The following ALCAM variants were observed in gnomAD, a reference collection of about 807,000 sequenced individuals.
ALCAM encodes the protein CD166 antigen.
In ALCAM, 30 loss-of-function variants were observed where a neutral mutation model predicts 70.9. That is an observed-to-expected ratio of 0.42 (90% confidence interval 0.32 to 0.57). The LOEUF is 0.57. Among genes scored for constraint, ALCAM ranks in the 20% least tolerant of loss-of-function variants. The pLI is 0.11. For synonymous variants in ALCAM, 249 were observed against 242.5 expected, an observed-to-expected ratio of 1.03 and a Z score of -0.25; for missense variants, 591 against 695.1, an observed-to-expected ratio of 0.85 and a Z score of 1.68.
chr3:105,438,473 AT>A (rs1324100911), intron 1 of ALCAM, among the ~76,000 whole-genome samples: 2 of 152,224 alleles, frequency 1.3e-5, no homozygotes, highest in African/African-American at 4.8e-5. Flanking sequence ...TTTATTCAGT[AT>A]CTACTAGGGA....
chr3:105,489,525 T>C (rs1221718020), intron 1 of ALCAM, among the ~76,000 whole-genome samples: 2 of 152,156 alleles, frequency 1.3e-5, no homozygotes, highest in Non-Finnish European at 2.9e-5. Flanking sequence ...TCATCAAAAA[T>C]AGGATAGATT....
chr3:105,466,766 A>T (rs1937749371), intron 1 of ALCAM, among the ~76,000 whole-genome samples: 1 of 151,368 alleles, frequency 6.6e-6, no homozygotes, highest in Non-Finnish European at 1.5e-5. Context: ...GAGCAAGCAG[A>T]TATTCGACTT....
At chr3:105,413,234 C>G (rs1260190794) in intron 1 of ALCAM, among the ~76,000 whole-genome samples, 1 of 152,060 alleles carries the variant, frequency 6.6e-6, no homozygotes, top group African/African-American at 2.4e-5. Context: ...GAATTAAGTG[C>G]TTCATACAGT....
chr3:105,504,732 G>A (rs990042692), intron 1 of ALCAM, among the ~76,000 whole-genome samples: 1 of 152,202 alleles, frequency 6.6e-6, no homozygotes. Context: ...GGCCCAGGAT[G>A]GGGGCATGGC....
intron 1 of ALCAM, among the ~76,000 whole-genome samples, chr3:105,498,421 T>G (rs1938819948): frequency 6.6e-6 from 1 of 152,156 alleles, no homozygotes; most frequent in Non-Finnish European, 1.5e-5. Flanking sequence ...GTCTCAACAC[T>G]ACATAGAGAA....
intron 1 of ALCAM, among the ~76,000 whole-genome samples, chr3:105,442,591 C>T (rs1937198783): frequency 6.6e-6 from 1 of 151,892 alleles, no homozygotes; most frequent in Non-Finnish European, 1.5e-5. Flanking sequence ...ACCATCCTGG[C>T]TAACATGGTG....
rs567435699 is a variant in ALCAM at position 105,421,229 on chromosome 3, A to G, written c.73+53748A>G. Among the ~76,000 whole-genome samples, 29 of 151,592 alleles carry G rather than the reference A, an allele frequency of 1.9e-4. No individual in the cohort carries two copies. In the South Asian group the frequency reaches 2.3e-3, roughly 12 times the overall value. ...AAGTGGTTCCATTTACACAGTTAAT[A>G]ATCACCACCAATTGTCTGTCTGATT... is the stretch of plus-strand genomic sequence containing the variant. On this transcript the variant is annotated intron_variant, in intron 1 of 15. Coordinates refer to ENST00000306107, the MANE Select transcript of ALCAM (RefSeq NM_001627.4).
At position 105,524,448 on chromosome 3, in the gene ALCAM, G is replaced by C; in HGVS notation, c.334G>C (p.Val112Leu). The C allele has an allele frequency of 6.2e-7, 1 of 1,614,080 alleles. No homozygotes were observed. Among genetic ancestry groups the C allele is most frequent in the Non-Finnish European group, 8.5e-7 (1 of 1,180,000 alleles). Residue 112 changes from valine to leucine, a missense_variant, in exon 3 of 16, where the codon GTG (valine) becomes CTG (leucine). Around this residue, in one of 2 missense-constraint regions of ALCAM, gnomAD observed 427 missense variants for 450.4 expected, o/e 0.95. Coordinates refer to ENST00000306107, the MANE Select transcript of ALCAM (RefSeq NM_001627.4). ...AAGGATCAGTGATGAAAAGAGATTT[G>C]TGTGCATGCTAGTAACTGAGGACAA... The part of the protein sequence containing the change: ...NARISDEKRF[V>L]CMLVTEDNVF...
chr3:105,442,509 C>T (rs1937194450), intron 1 of ALCAM, among the ~76,000 whole-genome samples: 1 of 152,148 alleles, frequency 6.6e-6, no homozygotes, highest in African/African-American at 2.4e-5. Flanking sequence ...CGGCCAGGCG[C>T]GGTGGCTCAC....
At chr3:105,545,659 GT>G (rs1940228929) in intron 9 of ALCAM, among the ~76,000 whole-genome samples, 1 of 151,334 alleles carries the variant, frequency 6.6e-6, no homozygotes. Context: ...TTTACAGTGT[GT>G]TTTTGCCCAC....
At chr3:105,446,931 G>A (rs952484535) in intron 1 of ALCAM, among the ~76,000 whole-genome samples, 2 of 151,998 alleles carry the variant, frequency 1.3e-5, no homozygotes, top group African/African-American at 4.8e-5. Context: ...AATAGGTTCT[G>A]GTGTTCTATT....
Position 105,471,487 on chromosome 3 carries a change from G to A in ALCAM, c.74-48580G>A, listed in dbSNP as rs970099005. Reference sequence around the variant, plus strand: ...GTGTGGAGAGCTTCCACGTAAATACGACTTCATTTTAGATTAGTTATGTTC... The same window carrying A: ...GTGTGGAGAGCTTCCACGTAAATACAACTTCATTTTAGATTAGTTATGTTC... On this transcript the variant is annotated intron_variant, in intron 1 of 15. Transcript: ENST00000306107. Among the ~76,000 whole-genome samples the A allele has an allele frequency of 5.9e-5, 9 of 151,266 alleles. No homozygotes were observed. In the South Asian group the frequency reaches 8.3e-4, roughly 14 times the overall value.
At chr3:105,405,279 A>C (rs1320771473) in intron 1 of ALCAM, among the ~76,000 whole-genome samples, 4 of 31,530 alleles carry the variant, frequency 1.3e-4, no homozygotes, top group Non-Finnish European at 3.2e-4. Context: ...CTTCGTCTCA[A>C]AAAAAAAAAA....
chr3:105,477,451 G>A (rs1938151591), intron 1 of ALCAM, among the ~76,000 whole-genome samples: 2 of 151,950 alleles, frequency 1.3e-5, no homozygotes, highest in Non-Finnish European at 2.9e-5. Flanking sequence ...TTGATTTATT[G>A]TCTTCTTGCC....
intron 14 of ALCAM, among the ~76,000 whole-genome samples, chr3:105,566,482 C>A (rs141953754): frequency 6.6e-6 from 1 of 152,000 alleles, no homozygotes; most frequent in African/African-American, 2.4e-5. Flanking sequence ...TATGTAAGAC[C>A]ACCTCCCTAT....
At chr3:105,560,170 G>A (rs892058839) in intron 14 of ALCAM, among the ~76,000 whole-genome samples, 1 of 152,164 alleles carries the variant, frequency 6.6e-6, no homozygotes, top group Non-Finnish European at 1.5e-5. Flanking sequence ...AGTCGCATAT[G>A]AGAGTTTTAG....
chr3:105,469,169 G>A (rs891305482), intron 1 of ALCAM, among the ~76,000 whole-genome samples: 5 of 27,110 alleles, frequency 1.8e-4, no homozygotes, highest in African/African-American at 3.3e-4. Context: ...AAGTATTGCG[G>A]GGTTTTTTGT....
At chr3:105,368,223 A>AAGAGAGAGAGAGGAG (rs1935123067) in intron 1 of ALCAM, among the ~76,000 whole-genome samples, 1 of 67,790 alleles carries the variant, frequency 1.5e-5, no homozygotes, top group Non-Finnish European at 2.8e-5. Flanking sequence ...TGAGTCTTGG[A>AAGAGAGAGAGAGGAG]AGAGAGAGAG....
chr3:105,498,266 GT>G (rs1004900771), intron 1 of ALCAM, among the ~76,000 whole-genome samples: 22 of 152,048 alleles, frequency 1.4e-4, no homozygotes, highest in Non-Finnish European at 2.9e-5. Flanking sequence ...AAATTGCTGG[GT>G]TTTTTCCTCC....
Sources: allele counts gnomAD v4.1 joint callset (sites outside exome capture counted in the v4.1 genomes callset), GRCh38; gene constraint gnomAD v4.1.1; regional missense constraint gnomAD v4.1.1; transcripts MANE v1.5; gene names NCBI Gene and HGNC (gene_info 2026-07-23, HGNC 2026-07-21).